The following CFAP45 variants were observed in gnomAD, a reference collection of about 807,000 sequenced individuals.
The protein encoded by CFAP45 is cilia- and flagella-associated protein 45.
A neutral mutation model predicts 75.6 loss-of-function variants in CFAP45; 43 were observed. That is an observed-to-expected ratio of 0.57 (90% CI 0.45 to 0.73). The LOEUF is 0.73. Ranked by LOEUF, CFAP45 falls within the 30% of genes least tolerant of loss-of-function variation. CFAP45 has a pLI of 0.00. For synonymous variants in CFAP45, 223 were observed against 244.6 expected (o/e 0.91, Z 0.82); for missense variants, 689 against 701.5 (o/e 0.98, Z 0.20).
chr1:159,888,608 A>G (rs779446451), intron 3 of CFAP45, 112 bp from the exon 4 acceptor site: 6 of 979,302 alleles, frequency 6.1e-6, no homozygotes, highest in South Asian at 4.8e-5. Flanking sequence ...GACTCCCCCA[A>G]TGGCAGAAGA....
chr1:159,873,959 G>A (rs531188598), intron 10 of CFAP45, among the ~76,000 whole-genome samples: 1 of 150,924 alleles, frequency 6.6e-6, no homozygotes, highest in East Asian at 2.0e-4. Context: ...GCTCCACCCT[G>A]GTTACTGGAA....
chr1:159,890,293 G>T (rs988190414), intron 3 of CFAP45, among the ~76,000 whole-genome samples, 187 bp downstream of exon 3: 1 of 152,192 alleles, frequency 6.6e-6, no homozygotes, highest in African/African-American at 2.4e-5. Flanking sequence ...ACAACAATGG[G>T]AGAAACAAGA....
chr1:159,876,069 ATCCAG>A lies in CFAP45; in HGVS notation c.1352+482_1352+486del, dbSNP rs1238379697. Reference sequence around the variant, plus strand: ...GTTAATTGCTAATGTCCTCCATGGCATCCAGCACAGAGCCCTGCATTTCTGTGCTT... The same window carrying A: ...GTTAATTGCTAATGTCCTCCATGGCACACAGAGCCCTGCATTTCTGTGCTT... On this transcript the variant is annotated intron_variant, in intron 10 of 11. Coordinates refer to ENST00000368099, the MANE Select transcript of CFAP45 (RefSeq NM_012337.3). 9.1e-4 allele frequency among the ~76,000 whole-genome samples: 138 copies of A among 152,356 alleles called. 2 individuals are homozygous for A. In the South Asian group the frequency reaches 0.028, roughly 30 times the overall value.
chr1:159,898,021 G>T (rs1250973312), intron 1 of CFAP45: 4 of 751,308 alleles, frequency 5.3e-6, no homozygotes, highest in Middle Eastern at 6.8e-4. Flanking sequence ...CAACTAAACA[G>T]GTTGACATGT....
At chr1:159,895,746 C>G (rs1649938610) in intron 1 of CFAP45, among the ~76,000 whole-genome samples, 1 of 152,130 alleles carries the variant, frequency 6.6e-6, no homozygotes, top group African/African-American at 2.4e-5. Flanking sequence ...GCTCCCCTTT[C>G]CACCAAAAAT....
chr1:159,893,085 G>A, intron 2 of CFAP45, 95 bp downstream of exon 2: 3 of 1,411,858 alleles, frequency 2.1e-6, no homozygotes, highest in Non-Finnish European at 3.0e-6. Flanking sequence ...TTACCTACGA[G>A]AGCAAGGTTA....
At position 159,872,395 on chromosome 1, in the gene CFAP45, G is replaced by A. The variant is rs547309184; in HGVS notation, c.*90C>T. On this transcript the variant is annotated 3_prime_UTR_variant, in exon 12 of 12. Transcript: ENST00000368099. ...TCAAGTAGATTTAATCTGTAACTAT[G>A]AAATGTCTAGGTTAGCAGCAATTAT... is the stretch of plus-strand genomic sequence containing the variant. The A allele has an allele frequency of 1.0e-6, 1 of 1,000,464 alleles. No homozygotes were observed. Among genetic ancestry groups the A allele is most frequent in the South Asian group, 1.3e-5 (1 of 77,840 alleles). 62.0% of individuals were successfully genotyped at this position (1,000,464 alleles called of 1,614,324 possible).
Position 159,877,430 on chromosome 1 carries a change from C to CT in CFAP45, c.1076dup (p.Arg360GlufsTer60). ...CCTTCTCTTTCTCCCTCCGGATTCT[C>CT]TCCTGCTCAGCCTCAAACTCTGCTT... On this transcript the variant is annotated frameshift_variant, in exon 9 of 12. Coordinates refer to ENST00000368099, the MANE Select transcript of CFAP45 (RefSeq NM_012337.3). LOFTEE classifies it high-confidence loss of function. The CT allele has an allele frequency of 6.2e-7, 1 of 1,614,156 alleles. No homozygotes were observed. The highest frequency in any genetic ancestry group is 1.1e-5 in the South Asian group (1 of 91,084).
intron 1 of CFAP45, chr1:159,898,058 T>C (rs1649991165): frequency 1.0e-6 from 1 of 964,396 alleles, no homozygotes; most frequent in Non-Finnish European, 1.2e-6. Context: ...TTTTCCTAGA[T>C]GTCTTACCCA....
chr1:159,899,096 C>G (rs951437685), intron 1 of CFAP45, among the ~76,000 whole-genome samples: 2 of 152,142 alleles, frequency 1.3e-5, no homozygotes, highest in African/African-American at 2.4e-5. Flanking sequence ...TGCCCTTCCC[C>G]TCCCCTCTGG....
At chr1:159,894,149 G>A (rs576056609) in intron 1 of CFAP45, among the ~76,000 whole-genome samples, 1 of 152,118 alleles carries the variant, frequency 6.6e-6, no homozygotes, top group Non-Finnish European at 1.5e-5. Context: ...TTTTTGTGGG[G>A]TTTTTTTAAG....
intron 5 of CFAP45, 71 bp downstream of exon 5, chr1:159,887,770 G>C: frequency 2.3e-6 from 3 of 1,313,670 alleles, no homozygotes; most frequent in Non-Finnish European, 2.1e-6. Context: ...GCCTTGTCCA[G>C]TGCGGGAATA....
At position 159,884,419 on chromosome 1, in the gene CFAP45, T is replaced by C; in HGVS notation, c.897+17A>G. The stretch of plus-strand genomic sequence containing the variant: ...CTGCAGCTGGTGAAACGTGGCATTG[T>C]CTGTCTGGCCTGTTACCTTTAGATC... On this transcript the variant is annotated intron_variant, in intron 7 of 11. Transcript: ENST00000368099. The C allele has an allele frequency of 6.3e-7, 1 of 1,585,158 alleles. No homozygotes were observed. The highest frequency in any genetic ancestry group is 8.6e-7 in the Non-Finnish European group (1 of 1,163,862).
intron 9 of CFAP45, 105 bp from the exon 10 acceptor site, chr1:159,876,854 A>AAAAG (rs771277624): frequency 1.9e-6 from 2 of 1,073,944 alleles, no homozygotes; most frequent in Non-Finnish European, 1.4e-6. Context: ...GTCTGCTTTG[A>AAAAG]AAAGCATCAT....
rs1649300401 is a variant in CFAP45, at chr1:159,872,423, A to C, written c.*62T>G. On this transcript the variant is annotated 3_prime_UTR_variant, in exon 12 of 12. Transcript: ENST00000368099. ...ATGTCTAGGTTAGCAGCAATTATGGATGCCCAGAGACTGGGCAGAATCTGT... is the reference window on the plus strand; with the variant it reads ...ATGTCTAGGTTAGCAGCAATTATGGCTGCCCAGAGACTGGGCAGAATCTGT... 1 of 1,209,902 alleles carries C rather than the reference A, an allele frequency of 8.3e-7. No homozygotes were observed. The allele number at this position is 1,209,902 out of a possible 1,614,324, so 74.9% of individuals were successfully genotyped here.
chr1:159,896,415 G>A (rs948190372), intron 1 of CFAP45, among the ~76,000 whole-genome samples: 5 of 152,226 alleles, frequency 3.3e-5, no homozygotes, highest in Admixed American at 2.6e-4. Flanking sequence ...CTTTGAAGCC[G>A]CAGCCTTACA....
intron 1 of CFAP45, among the ~76,000 whole-genome samples, chr1:159,897,250 C>T (rs1391917785): frequency 6.6e-6 from 1 of 151,668 alleles, no homozygotes; most frequent in African/African-American, 2.4e-5. Flanking sequence ...GGTGACAGAG[C>T]AAGACACTGT....
At chr1:159,887,735 C>CA in intron 5 of CFAP45, 106 bp downstream of exon 5, 1 of 1,207,576 alleles carries the variant, frequency 8.3e-7, no homozygotes, top group Non-Finnish European at 1.2e-6. Flanking sequence ...CGCCCCACCC[C>CA]TGCCCACACC....
At chr1:159,888,253 A>T in intron 4 of CFAP45, 99 bp downstream of exon 4, 2 of 1,272,326 alleles carry the variant, frequency 1.6e-6, no homozygotes, top group South Asian at 1.4e-5. Flanking sequence ...TTAAGTACAT[A>T]ATTTGTGCCT....
Sources: gnomAD v4.1 joint callset for allele counts (sites outside exome capture counted in the v4.1 genomes callset) on GRCh38, gnomAD v4.1.1 for gene constraint, MANE v1.5 for transcripts, NCBI Gene and HGNC (gene_info 2026-07-23, HGNC 2026-07-21) for gene names.